MMP24: variants seen among roughly 807,000 people sequenced by gnomAD.
MMP24 encodes matrix metallopeptidase 24, also known as matrix metalloproteinase-24.
MMP24 carries 25 observed loss-of-function variants against 62.8 expected under a neutral mutation model. The observed-to-expected ratio is 0.40, with a 90% CI of 0.29 to 0.56. The LOEUF (loss-of-function observed/expected upper bound fraction) is 0.56. Among genes scored for constraint, MMP24 ranks in the 20% least tolerant of loss-of-function variants. The pLI, the probability that MMP24 is intolerant of heterozygous loss-of-function variation, is 0.50. For missense variants in MMP24, 634 were observed against 853.6 expected (o/e 0.74, Z 3.21); for synonymous variants, 319 against 350.5 (o/e 0.91, Z 1.00).
chr20:35,260,506 G>C (rs2060596957), intron 4 of MMP24, among the ~76,000 whole-genome samples: 1 of 152,230 alleles, frequency 6.6e-6, no homozygotes, highest in Non-Finnish European at 1.5e-5. Context: ...TGAACAGCTT[G>C]TCCCAGGTCA....
At chr20:35,233,204 C>T (rs1164758205) in intron 1 of MMP24, among the ~76,000 whole-genome samples, 2 of 151,984 alleles carry the variant, frequency 1.3e-5, no homozygotes, top group African/African-American at 4.8e-5. Flanking sequence ...GCCAGGAGTT[C>T]GAGACCAGCC....
At chr20:35,258,812 C>A (rs1235448961) in intron 4 of MMP24, among the ~76,000 whole-genome samples, 1 of 151,430 alleles carries the variant, frequency 6.6e-6, no homozygotes, top group African/African-American at 2.4e-5. Flanking sequence ...AAAAAAACAA[C>A]AAAAAAGATT....
rs1296443637 is a variant in MMP24 at position 35,274,728 on chromosome 20, T to C, written c.*119T>C. The C allele has an allele frequency of 1.1e-6, 1 of 898,228 alleles. No homozygotes were observed. The highest frequency in any genetic ancestry group is 1.7e-6 in the Non-Finnish European group (1 of 600,300). The allele number at this position is 898,228 out of a possible 1,614,324, so 55.6% of individuals were successfully genotyped here. A position where few individuals can be genotyped will look rare whatever the true frequency, so the allele number is the denominator to read the frequency against. ...CCAGCAGGGCCCTAGGCTGGGGTCG[T>C]ACAGCTGAAGTGGTGGGTGCATTGG... On this transcript the variant is annotated 3_prime_UTR_variant, in exon 9 of 9. Coordinates refer to ENST00000246186, the MANE Select transcript of MMP24 (RefSeq NM_006690.4). This position sits in a 1 kb window ranked among gnomAD's most constrained non-coding sequence, Gnocchi z 5.1.
Position 35,275,471 on chromosome 20 carries a change from T to C in MMP24, c.*862T>C, listed in dbSNP as rs1416403378. On this transcript the variant is annotated 3_prime_UTR_variant, in exon 9 of 9. Coordinates refer to ENST00000246186, the MANE Select transcript of MMP24 (RefSeq NM_006690.4). ...CCCCAGTAGCTGAGCTCTGCTCCTATGGCTACAGAGCTGGGGCAGAAGCTG... is the reference window on the plus strand; with the variant it reads ...CCCCAGTAGCTGAGCTCTGCTCCTACGGCTACAGAGCTGGGGCAGAAGCTG... 2.0e-5 allele frequency: 3 copies of C among 152,252 alleles called. No individual in the cohort carries two copies. Among genetic ancestry groups the C allele is most frequent in the East Asian group, 3.9e-4 (2 of 5,184 alleles). 9.4% of individuals were successfully genotyped at this position (152,252 alleles called of 1,614,324 possible). A position where few individuals can be genotyped will look rare whatever the true frequency, so the allele number is the denominator to read the frequency against.
Position 35,254,465 on chromosome 20 carries a change from C to T in MMP24, c.528C>T (p.Thr176=), listed in dbSNP as rs770216287. The T allele has an allele frequency of 6.2e-7, 1 of 1,613,692 alleles. No individual in the cohort carries two copies. Among genetic ancestry groups the T allele is most frequent in the Non-Finnish European group, 8.5e-7 (1 of 1,179,688 alleles). ...CTCTCACCAGCATTCACAACTATACCCCAAAAGTGGGTGAGCTAGACACGC... is the reference window on the plus strand; with the variant it reads ...CTCTCACCAGCATTCACAACTATACTCCAAAAGTGGGTGAGCTAGACACGC... ...KHITYSIHNY[T]PKVGELDTRK... The change falls in exon 4 of 9, where the codon ACC becomes ACT. Residue 176 remains threonine, a synonymous_variant. Coordinates refer to ENST00000246186, the MANE Select transcript of MMP24 (RefSeq NM_006690.4).
chr20:35,246,902 A>T lies in MMP24; in HGVS notation c.309A>T (p.Ser103=). The change falls in exon 2 of 9, where the codon TCA becomes TCT. Residue 103 remains serine (S), a synonymous_variant. Transcript: ENST00000246186. ...ACTCACGGGCATCTGCGCTGCACTC[A>T]GCGAAGGCCTTGCAGTCGGCAGTCT... ...PYDSRASALH[S]AKALQSAVST... The T allele has an allele frequency of 6.2e-7, 1 of 1,614,034 alleles. No homozygotes were observed. Among genetic ancestry groups the T allele is most frequent in the Non-Finnish European group, 8.5e-7 (1 of 1,179,890 alleles).
intron 5 of MMP24, chr20:35,264,196 G>C: frequency 3.0e-6 from 1 of 338,964 alleles, no homozygotes; most frequent in Non-Finnish European, 5.4e-6. Context: ...AAAGTGAGGT[G>C]AGGGCCACCC....
intron 5 of MMP24, among the ~76,000 whole-genome samples, chr20:35,265,470 C>T (rs6060331): frequency 0.077 from 11,717 of 151,900 alleles, 1,243 homozygotes; most frequent in African/African-American, 0.24. Flanking sequence ...GGCTGGAATA[C>T]TTATTTGGGA....
At position 35,247,001 on chromosome 20, in the gene MMP24, T is replaced by G; in HGVS notation, c.395+13T>G. 6.2e-7 allele frequency: 1 copy of G among 1,613,978 alleles called. No individual in the cohort carries two copies. The highest frequency in any genetic ancestry group is 8.5e-7 in the Non-Finnish European group (1 of 1,179,828). On this transcript the variant is annotated intron_variant, in intron 2 of 8. Transcript: ENST00000246186. ...AGACAACGATCGAGTAAGATTTCCA[T>G]AGGACATTGTGCCTTTGAACTTTCT...
In MMP24 at chr20:35,274,898, C is replaced by T. The variant is rs974557050; in HGVS notation, c.*289C>T. 1.6e-5 allele frequency: 7 copies of T among 430,372 alleles called. No homozygotes were observed. The highest frequency in any genetic ancestry group is 2.9e-5 in the Non-Finnish European group (7 of 238,314). 26.7% of individuals were successfully genotyped at this position (430,372 alleles called of 1,614,324 possible). ...CTCCATCCGGAGGCAGGGACCATGC[C>T]AGGAGGAGCCCCTGTGGTCACGGCA... On this transcript the variant is annotated 3_prime_UTR_variant, in exon 9 of 9. Transcript: ENST00000246186. The surrounding 1 kb of genome is among the most constrained non-coding windows in gnomAD (Gnocchi z 5.1).
chr20:35,242,853 T>C (rs967619803), intron 1 of MMP24, among the ~76,000 whole-genome samples: 1 of 151,978 alleles, frequency 6.6e-6, no homozygotes, highest in African/African-American at 2.4e-5. Context: ...AAGGAGCACA[T>C]GGGAGGGCAG....
chr20:35,253,961 C>CG (rs1210562043), intron 3 of MMP24, among the ~76,000 whole-genome samples: 3 of 151,086 alleles, frequency 2.0e-5, no homozygotes, highest in African/African-American at 7.3e-5. Context: ...CCTCTGCCTC[C>CG]GGGTTCAAGC....
chr20:35,232,081 G>C (rs2060440420), intron 1 of MMP24, among the ~76,000 whole-genome samples: 1 of 152,166 alleles, frequency 6.6e-6, no homozygotes, highest in Non-Finnish European at 1.5e-5. Flanking sequence ...ACAGAAGCTA[G>C]GTTTTCTGTT....
At chr20:35,242,175 T>C (rs539915275) in intron 1 of MMP24, among the ~76,000 whole-genome samples, 3 of 152,038 alleles carry the variant, frequency 2.0e-5, no homozygotes, top group African/African-American at 7.2e-5. Flanking sequence ...CTACTAAAAA[T>C]ACAAAAATTA....
intron 4 of MMP24, among the ~76,000 whole-genome samples, chr20:35,255,469 G>A (rs2060570236): frequency 6.6e-6 from 1 of 152,164 alleles, no homozygotes; most frequent in African/African-American, 2.4e-5. Context: ...CCTCACAGGT[G>A]AGTAGCAGGC....
intron 4 of MMP24, among the ~76,000 whole-genome samples, chr20:35,256,753 C>T (rs901394539): frequency 1.3e-5 from 2 of 148,646 alleles, no homozygotes; most frequent in South Asian, 2.2e-4. Flanking sequence ...CTGCAGATTC[C>T]AGGACCCTAA....
At chr20:35,268,821 A>T (rs1333675834) in intron 6 of MMP24, among the ~76,000 whole-genome samples, 2 of 152,054 alleles carry the variant, frequency 1.3e-5, no homozygotes, top group Non-Finnish European at 2.9e-5. Context: ...AGGTCAGGAG[A>T]TCAAGACCAT....
Position 35,246,920 on chromosome 20 carries a change from G to A in MMP24, c.327G>A (p.Ser109=), listed in dbSNP as rs368263991. The stretch of plus-strand genomic sequence containing the variant: ...TGCACTCAGCGAAGGCCTTGCAGTC[G>A]GCAGTCTCCACTATGCAGCAGTTTT... ...SALHSAKALQ[S]AVSTMQQFYG... The change falls in exon 2 of 9, where the codon TCG becomes TCA. Residue 109 remains serine (S), a synonymous_variant. Coordinates refer to ENST00000246186, the MANE Select transcript of MMP24 (RefSeq NM_006690.4). The A allele has an allele frequency of 1.7e-5, 28 of 1,613,898 alleles. No homozygotes were observed. The highest frequency in any genetic ancestry group is 1.1e-4 in the South Asian group (10 of 91,088).
intron 8 of MMP24, chr20:35,272,156 A>G (rs1427093706): frequency 6.7e-6 from 3 of 449,154 alleles, no homozygotes; most frequent in South Asian, 6.3e-5. Flanking sequence ...CTGAAAAGCA[A>G]TGATGGGCAT....
Sources: allele counts gnomAD v4.1 joint callset (sites outside exome capture counted in the v4.1 genomes callset), GRCh38; gene constraint gnomAD v4.1.1; non-coding constraint Gnocchi (gnomAD v3.1); transcripts MANE v1.5; gene names NCBI Gene and HGNC (gene_info 2026-07-23, HGNC 2026-07-21).